KCNMB2: variants seen among roughly 807,000 people sequenced by gnomAD.
The protein encoded by KCNMB2 is calcium-activated potassium channel subunit beta-2.
A neutral mutation model predicts 24.5 loss-of-function variants in KCNMB2; 9 were observed. That is an observed-to-expected ratio of 0.37 (90% CI 0.22 to 0.64). The LOEUF (loss-of-function observed/expected upper bound fraction) is 0.64. Among genes scored for constraint, KCNMB2 ranks in the 30% least tolerant of loss-of-function variants. The pLI is 0.63. For missense variants in KCNMB2, 226 were observed against 284.3 expected (o/e 0.79, Z 1.47); for synonymous variants, 109 against 104.4 (o/e 1.04, Z -0.27).
intron 1 of KCNMB2, among the ~76,000 whole-genome samples, chr3:178,678,250 C>T (rs1721139483): frequency 6.6e-6 from 1 of 152,038 alleles, no homozygotes; most frequent in Non-Finnish European, 1.5e-5. Flanking sequence ...GAAACTGTGG[C>T]AGTTAGAACA....
chr3:178,817,695 A>G (rs1031973225), intron 2 of KCNMB2, among the ~76,000 whole-genome samples: 2 of 152,202 alleles, frequency 1.3e-5, no homozygotes, highest in African/African-American at 2.4e-5. Context: ...TGGAAAGAGT[A>G]CTAAATTTGT....
chr3:178,836,220 G>A (rs1177777331), intron 4 of KCNMB2, among the ~76,000 whole-genome samples: 2 of 152,054 alleles, frequency 1.3e-5, no homozygotes, highest in Non-Finnish European at 2.9e-5. Context: ...CAAGCCTAGT[G>A]AGGCATGTCT....
At chr3:178,642,502 G>A (rs1719762853) in intron 1 of KCNMB2, among the ~76,000 whole-genome samples, 1 of 152,166 alleles carries the variant, frequency 6.6e-6, no homozygotes, top group South Asian at 2.1e-4. Flanking sequence ...ACAACAGTAT[G>A]TATGAAGCTA....
Position 178,791,007 on chromosome 3 carries a change from A to G in KCNMB2, c.-67-16336A>G, listed in dbSNP as rs372604250. On this transcript the variant is annotated intron_variant, in intron 1 of 4. Coordinates refer to ENST00000452583, the MANE Select transcript of KCNMB2 (RefSeq NM_181361.3). Reference sequence around the variant, plus strand: ...GAAAGCCTTCCCAAGAAGGACAGATACAAACTACTCCAGACTGCAAAAACT... The same window carrying G: ...GAAAGCCTTCCCAAGAAGGACAGATGCAAACTACTCCAGACTGCAAAAACT... Among the ~76,000 whole-genome samples the G allele has an allele frequency of 1.9e-3, 293 of 152,340 alleles. 3 individuals carry two copies. The highest frequency in any genetic ancestry group is 6.6e-3 in the African/African-American group (273 of 41,568).
chr3:178,693,818 T>A (rs929839542), intron 1 of KCNMB2, among the ~76,000 whole-genome samples: 2 of 152,172 alleles, frequency 1.3e-5, no homozygotes, highest in African/African-American at 2.4e-5. Flanking sequence ...CAGTAGGAAT[T>A]GTACCAGCTC....
At chr3:178,663,843 G>C (rs1184127611) in intron 1 of KCNMB2, among the ~76,000 whole-genome samples, 2 of 152,130 alleles carry the variant, frequency 1.3e-5, no homozygotes, top group Admixed American at 1.3e-4. Context: ...GTGCAAAGGA[G>C]TGTTTTAAGG....
chr3:178,551,767 G>A (rs140619526), intron 1 of KCNMB2, among the ~76,000 whole-genome samples: 83 of 152,258 alleles, frequency 5.5e-4, no homozygotes, highest in African/African-American at 1.8e-3. Flanking sequence ...AATCCCTATC[G>A]TGCACTTGAG....
At chr3:178,636,557 A>G (rs888950838) in intron 1 of KCNMB2, among the ~76,000 whole-genome samples, 1 of 152,226 alleles carries the variant, frequency 6.6e-6, no homozygotes, top group Admixed American at 6.5e-5. Flanking sequence ...TTGGGGACTT[A>G]ATATATAATC....
intron 1 of KCNMB2, among the ~76,000 whole-genome samples, chr3:178,560,019 A>G (rs987019566): frequency 1.4e-5 from 2 of 147,842 alleles, no homozygotes; most frequent in African/African-American, 4.9e-5. Context: ...TACACAGCAT[A>G]TTTATTATAT....
At chr3:178,711,561 C>T (rs903918387) in intron 1 of KCNMB2, among the ~76,000 whole-genome samples, 1 of 152,086 alleles carries the variant, frequency 6.6e-6, no homozygotes, top group Non-Finnish European at 1.5e-5. Context: ...GAACCAACTT[C>T]GGAATTAAAT....
chr3:178,746,252 C>T (rs1483487246), intron 1 of KCNMB2, among the ~76,000 whole-genome samples: 1 of 152,198 alleles, frequency 6.6e-6, no homozygotes, highest in Non-Finnish European at 1.5e-5. Flanking sequence ...TACTGGCAGT[C>T]TCAATACCAA....
intron 1 of KCNMB2, among the ~76,000 whole-genome samples, chr3:178,679,052 G>GTTTTTTTTTTTTTTTTTTTTTTT (rs1560162644): frequency 1.2e-5 from 1 of 81,124 alleles, no homozygotes; most frequent in African/African-American, 5.7e-5. Flanking sequence ...TTTTTGTTTT[G>GTTTTTTTTTTTTTTTTTTTTTTT]TTTTTGTTTT....
At chr3:178,814,298 C>T (rs998972389) in intron 2 of KCNMB2, among the ~76,000 whole-genome samples, 4 of 152,066 alleles carry the variant, frequency 2.6e-5, no homozygotes, top group Non-Finnish European at 5.9e-5. Flanking sequence ...AACAGCCTCC[C>T]GCTGCAAATG....
At chr3:178,666,285 A>G (rs1238694442) in intron 1 of KCNMB2, among the ~76,000 whole-genome samples, 1 of 152,150 alleles carries the variant, frequency 6.6e-6, no homozygotes, top group Non-Finnish European at 1.5e-5. Flanking sequence ...TACTGTGTCT[A>G]AATTTTAAGG....
At chr3:178,563,491 G>A (rs146128543) in intron 1 of KCNMB2, among the ~76,000 whole-genome samples, 87 of 152,256 alleles carry the variant, frequency 5.7e-4, no homozygotes, top group Admixed American at 4.4e-3. Context: ...GATGGTTCTC[G>A]AAGGTAGCTT....
At chr3:178,724,322 TTC>T (rs1230715556) in intron 1 of KCNMB2, among the ~76,000 whole-genome samples, 1 of 152,124 alleles carries the variant, frequency 6.6e-6, no homozygotes, top group Non-Finnish European at 1.5e-5. Flanking sequence ...GAAGGATCTG[TTC>T]ATGTCCTTTG....
intron 1 of KCNMB2, among the ~76,000 whole-genome samples, chr3:178,755,981 T>A (rs1309637846): frequency 6.6e-6 from 1 of 152,142 alleles, no homozygotes; most frequent in East Asian, 1.9e-4. Flanking sequence ...CAGGCACTGC[T>A]GAGGAGGATA....
At chr3:178,588,979 A>T (rs1209518570) in intron 1 of KCNMB2, among the ~76,000 whole-genome samples, 1 of 152,252 alleles carries the variant, frequency 6.6e-6, no homozygotes, top group African/African-American at 2.4e-5. Flanking sequence ...GTGGTTTAAC[A>T]GAGCCTATGT....
At chr3:178,759,687 GATATATATACA>G (rs1711634221) in intron 1 of KCNMB2, among the ~76,000 whole-genome samples, 1 of 84,524 alleles carries the variant, frequency 1.2e-5, no homozygotes, top group Non-Finnish European at 2.6e-5. Context: ...TATCCAAGAG[GATATATATACA>G]CATATATATA....
Sources: gnomAD v4.1 joint callset for allele counts (sites outside exome capture counted in the v4.1 genomes callset) on GRCh38, gnomAD v4.1.1 for gene constraint, MANE v1.5 for transcripts, NCBI Gene and HGNC (gene_info 2026-07-23, HGNC 2026-07-21) for gene names.